CEACAM21: variants seen among roughly 807,000 people sequenced by gnomAD.
The protein encoded by CEACAM21 is CEA cell adhesion molecule 21, also known as cell adhesion molecule CEACAM21.
In CEACAM21, 38 loss-of-function variants were observed where a neutral mutation model predicts 33.2. That is an observed-to-expected ratio of 1.14 (90% CI 0.88 to 1.50). CEACAM21 has a LOEUF of 1.50. CEACAM21 is among the 40% of genes most tolerant of loss of function. The pLI is 0.00. For synonymous variants in CEACAM21, 156 were observed against 143.0 expected, an observed-to-expected ratio of 1.09 and a Z score of -0.65; for missense variants, 385 against 364.6, an observed-to-expected ratio of 1.06 and a Z score of -0.46.
upstream of CEACAM21, among the ~76,000 whole-genome samples, chr19:41,572,525 C>T (rs528251399): frequency 6.6e-5 from 10 of 152,218 alleles, no homozygotes; most frequent in East Asian, 1.9e-4. Flanking sequence ...GCACCAACCC[C>T]GATGCCCTGA....
chr19:41,575,640 G>C (rs545750441), upstream of CEACAM21, among the ~76,000 whole-genome samples: 1 of 152,232 alleles, frequency 6.6e-6, no homozygotes, highest in Non-Finnish European at 1.5e-5. Context: ...CTCTTCCCAG[G>C]ACACACAGGA....
chr19:41,563,271 A>C (rs911155134), intron 1 of CEACAM21, among the ~76,000 whole-genome samples: 12 of 152,312 alleles, frequency 7.9e-5, no homozygotes, highest in Admixed American at 6.5e-4. Flanking sequence ...TCCAAGGGGC[A>C]GGACACTGAT....
chr19:41,556,706 T>C (rs1555785710), intron 1 of CEACAM21, among the ~76,000 whole-genome samples: 1 of 152,224 alleles, frequency 6.6e-6, no homozygotes, highest in African/African-American at 2.4e-5. Context: ...CAGGCCATGG[T>C]GGCGAAGGCA....
intron 2 of CEACAM21, among the ~76,000 whole-genome samples, chr19:41,567,379 C>T (rs1555788539): frequency 6.6e-6 from 1 of 152,176 alleles, no homozygotes; most frequent in Admixed American, 6.5e-5. Context: ...AGCAAATGCA[C>T]TTCTAGATAT....
intron 4 of CEACAM21, among the ~76,000 whole-genome samples, chr19:41,584,994 C>A (rs1340966641): frequency 1.3e-5 from 2 of 152,220 alleles, no homozygotes; most frequent in Non-Finnish European, 2.9e-5. Context: ...ATCATTGTCC[C>A]ATTTCAGCAT....
chr19:41,577,702 AG>A lies in CEACAM21; in HGVS notation c.424+147del, dbSNP rs2122232709. ...TGGGCATTTAGTGCAGGACACACCCAGGGGAGACAAACTATAACAGATCAGA... is the reference window on the plus strand; with the variant it reads ...TGGGCATTTAGTGCAGGACACACCCAGGGAGACAAACTATAACAGATCAGA... On this transcript the variant is annotated intron_variant, in intron 2 of 6. Coordinates refer to ENST00000401445, the MANE Select transcript of CEACAM21 (RefSeq NM_001098506.4). The A allele has an allele frequency of 5.0e-6, 6 of 1,188,172 alleles. No homozygotes were observed. The East Asian group carries it at 9.4e-5, about 19-fold the overall frequency. 73.6% of individuals were successfully genotyped at this position (1,188,172 alleles called of 1,614,324 possible).
At chr19:41,566,672 G>T (rs1014763622) in intron 2 of CEACAM21, among the ~76,000 whole-genome samples, 2 of 152,220 alleles carry the variant, frequency 1.3e-5, no homozygotes, top group African/African-American at 4.8e-5. Context: ...TTCTGAAAAT[G>T]TGTTAGAAAG....
intron 3 of CEACAM21, 54 bp from the exon 4 acceptor site, chr19:41,584,293 A>G (rs1431563474): frequency 6.2e-5 from 93 of 1,499,628 alleles, no homozygotes; most frequent in Non-Finnish European, 8.2e-5. Context: ...AAGGCCCCTC[A>G]TGGTTCCCCC....
At chr19:41,569,401 C>A (rs1484024897) in intron 2 of CEACAM21, among the ~76,000 whole-genome samples, 1 of 151,920 alleles carries the variant, frequency 6.6e-6, no homozygotes, top group Admixed American at 6.6e-5. Context: ...TTTGTAGAGA[C>A]AACAACTCGC....
chr19:41,557,881 C>T (rs1364086949), intron 1 of CEACAM21, among the ~76,000 whole-genome samples: 1 of 152,134 alleles, frequency 6.6e-6, no homozygotes, highest in East Asian at 1.9e-4. Context: ...CTATTATCCT[C>T]ATGTTAGAGA....
In CEACAM21 at chr19:41,576,181, A is replaced by AT; in HGVS notation, c.-94_-93insT. On this transcript the variant is annotated 5_prime_UTR_variant, in exon 1 of 7. Transcript: ENST00000401445. ...GAAGCTCAGCATAGAGGAAGGAAGG[A>AT]CAGCAGAGACAACAGTCACAGTAAC... 1 of 1,440,570 alleles carries AT rather than the reference A, an allele frequency of 6.9e-7. No individual in the cohort carries two copies. The highest frequency in any genetic ancestry group is 9.7e-7 in the Non-Finnish European group (1 of 1,031,274). The allele number at this position is 1,440,570 out of a possible 1,614,324, so 89.2% of individuals were successfully genotyped here. A position where few individuals can be genotyped will look rare whatever the true frequency, so the allele number is the denominator to read the frequency against.
intron 3 of CEACAM21, among the ~76,000 whole-genome samples, chr19:41,582,711 G>A (rs975297543): frequency 6.6e-6 from 1 of 152,220 alleles, no homozygotes; most frequent in Non-Finnish European, 1.5e-5. Flanking sequence ...AGCCATGGCT[G>A]GAGTGGCTGG....
Position 41,585,304 on chromosome 19 carries a change from C to A in CEACAM21, c.798-139C>A. On this transcript the variant is annotated intron_variant, in intron 4 of 6. Coordinates refer to ENST00000401445, the MANE Select transcript of CEACAM21 (RefSeq NM_001098506.4). ...TTCCTCAACTCCCCTCACCTGGGCCCCTCCTACCACAGAACTCCATAAAGA... is the reference window on the plus strand; with the variant it reads ...TTCCTCAACTCCCCTCACCTGGGCCACTCCTACCACAGAACTCCATAAAGA... 3.6e-6 allele frequency: 3 copies of A among 825,424 alleles called. No homozygotes were observed. The South Asian group carries it at 4.7e-5, about 13-fold the overall frequency. 51.1% of individuals were successfully genotyped at this position (825,424 alleles called of 1,614,324 possible). A position where few individuals can be genotyped will look rare whatever the true frequency, so the allele number is the denominator to read the frequency against.
chr19:41,556,244 G>A (rs782269265), intron 1 of CEACAM21, among the ~76,000 whole-genome samples: 3 of 152,238 alleles, frequency 2.0e-5, no homozygotes, highest in Non-Finnish European at 4.4e-5. Context: ...GAAGTGAGCA[G>A]AGGAACCAAG....
chr19:41,575,340 C>G (rs1555790644), upstream of CEACAM21, among the ~76,000 whole-genome samples: 1 of 152,168 alleles, frequency 6.6e-6, no homozygotes, highest in East Asian at 1.9e-4. Context: ...GTACATTTAT[C>G]TTATGTATTA....
chr19:41,585,391 A>G, intron 4 of CEACAM21, 52 bp from the exon 5 acceptor site: 1 of 1,595,304 alleles, frequency 6.3e-7, no homozygotes, highest in Non-Finnish European at 8.6e-7. Context: ...TTTTAACTCC[A>G]ATTTGTGACT....
chr19:41,573,195 G>C (rs944173355), upstream of CEACAM21, among the ~76,000 whole-genome samples: 1 of 152,170 alleles, frequency 6.6e-6, no homozygotes, highest in Non-Finnish European at 1.5e-5. Flanking sequence ...CATGGACTCC[G>C]GCCTGATGTG....
upstream of CEACAM21, among the ~76,000 whole-genome samples, chr19:41,576,002 G>T (rs2042912959): frequency 6.6e-6 from 1 of 152,182 alleles, no homozygotes; most frequent in East Asian, 1.9e-4. Context: ...CATCAGCGTT[G>T]CTTCTCAAAG....
chr19:41,577,297 T>A lies in CEACAM21; in HGVS notation c.162T>A (p.Ser54=). The A allele has an allele frequency of 1.2e-6, 2 of 1,614,156 alleles. No homozygotes were observed. Among genetic ancestry groups the A allele is most frequent in the Non-Finnish European group, 1.7e-6 (2 of 1,179,992 alleles). ...CTGAAGGGGAGAATGTTCATCTCTC[T>A]GTGGTTTATCTGCCCGAGAATCTTT... The part of the protein sequence containing the change: ...EVAEGENVHL[S]VVYLPENLYS... Residue 54 remains serine, a synonymous_variant, in exon 2 of 7, where the codon TCT becomes TCA. Coordinates refer to ENST00000401445, the MANE Select transcript of CEACAM21 (RefSeq NM_001098506.4).
Sources: gnomAD v4.1 joint callset for allele counts (sites outside exome capture counted in the v4.1 genomes callset) on GRCh38, gnomAD v4.1.1 for gene constraint, MANE v1.5 for transcripts, NCBI Gene and HGNC (gene_info 2026-07-23, HGNC 2026-07-21) for gene names.